The following GPC5 variants were observed in gnomAD, a reference collection of about 807,000 sequenced individuals.
The protein encoded by GPC5 is glypican-5.
A neutral mutation model predicts 53.9 loss-of-function variants in GPC5; 47 were observed. That is an observed-to-expected ratio of 0.87 (90% CI 0.69 to 1.11). GPC5 has a LOEUF of 1.11. Ranked by LOEUF, GPC5 falls within the 50% of genes most tolerant of loss-of-function variation. GPC5 has a pLI of 0.00. For synonymous variants in GPC5, 286 were observed against 263.3 expected (o/e 1.09, Z -0.84); for missense variants, 748 against 713.1 (o/e 1.05, Z -0.56).
chr13:92,673,327 G>T (rs1343924739), intron 7 of GPC5, among the ~76,000 whole-genome samples: 6 of 151,038 alleles, frequency 4.0e-5, no homozygotes, highest in African/African-American at 1.5e-4. Flanking sequence ...TGTCGCCCAG[G>T]CTGGAGTGCA....
At chr13:92,213,817 A>G (rs1159655646) in intron 7 of GPC5, among the ~76,000 whole-genome samples, 2 of 152,184 alleles carry the variant, frequency 1.3e-5, no homozygotes, top group Admixed American at 6.5e-5. Context: ...AGATCTGACT[A>G]TATCTCTCAG....
chr13:91,900,756 T>A (rs1429492114), intron 5 of GPC5, among the ~76,000 whole-genome samples: 1 of 152,138 alleles, frequency 6.6e-6, no homozygotes, highest in Non-Finnish European at 1.5e-5. Flanking sequence ...TTTGTGCTAC[T>A]TTTTAATTAG....
intron 7 of GPC5, among the ~76,000 whole-genome samples, chr13:92,606,786 GT>G (rs569478420): frequency 4.6e-5 from 7 of 151,780 alleles, no homozygotes; most frequent in South Asian, 2.1e-4. Context: ...TTTTGGGGGA[GT>G]TTTTTTTCAC....
At chr13:92,283,078 C>T (rs1354502914) in intron 7 of GPC5, among the ~76,000 whole-genome samples, 1 of 151,940 alleles carries the variant, frequency 6.6e-6, no homozygotes, top group Non-Finnish European at 1.5e-5. Flanking sequence ...AACCAAAATG[C>T]AGTGGTTGCA....
intron 7 of GPC5, among the ~76,000 whole-genome samples, chr13:92,767,265 G>T (rs964211496): frequency 6.6e-6 from 1 of 152,228 alleles, no homozygotes; most frequent in South Asian, 2.1e-4. Flanking sequence ...GAGGTCAGGA[G>T]TTCAAGACCA....
intron 6 of GPC5, among the ~76,000 whole-genome samples, chr13:92,103,711 A>G (rs1028374882): frequency 6.6e-6 from 1 of 152,218 alleles, no homozygotes; most frequent in African/African-American, 2.4e-5. Flanking sequence ...CTCGGCATTT[A>G]GCAAGCATTT....
At chr13:91,896,507 G>C (rs1308412786) in intron 5 of GPC5, among the ~76,000 whole-genome samples, 2 of 152,150 alleles carry the variant, frequency 1.3e-5, no homozygotes, top group Non-Finnish European at 2.9e-5. Flanking sequence ...CGAAGGGATA[G>C]AACTTTCCAG....
intron 7 of GPC5, among the ~76,000 whole-genome samples, chr13:92,178,259 A>C (rs1421616326): frequency 6.6e-6 from 1 of 152,140 alleles, no homozygotes; most frequent in African/African-American, 2.4e-5. Flanking sequence ...TAGTCAAACA[A>C]AAATCCTGAA....
chr13:92,602,311 G>C (rs1203212838), intron 7 of GPC5, among the ~76,000 whole-genome samples: 1 of 142,732 alleles, frequency 7.0e-6, no homozygotes, highest in Non-Finnish European at 1.5e-5. Flanking sequence ...AATAATTCCT[G>C]GTCCCTCTGT....
At chr13:92,147,269 T>G (rs750278155) in intron 7 of GPC5, among the ~76,000 whole-genome samples, 6 of 152,146 alleles carry the variant, frequency 3.9e-5, no homozygotes, top group Admixed American at 6.5e-5. Flanking sequence ...CAGGGCAGTA[T>G]TTAATAATCT....
chr13:91,648,514 C>A (rs550540735), intron 2 of GPC5, among the ~76,000 whole-genome samples: 1 of 151,828 alleles, frequency 6.6e-6, no homozygotes, highest in Non-Finnish European at 1.5e-5. Flanking sequence ...ATCCATAAGG[C>A]CTTTTAAGTT....
At chr13:92,809,074 C>T (rs1237725354) in intron 7 of GPC5, among the ~76,000 whole-genome samples, 1 of 152,044 alleles carries the variant, frequency 6.6e-6, no homozygotes, top group Non-Finnish European at 1.5e-5. Flanking sequence ...AGCATCTGTT[C>T]CCACAGCAAA....
chr13:92,038,351 G>T (rs1423222018), intron 6 of GPC5, among the ~76,000 whole-genome samples: 2 of 16,524 alleles, frequency 1.2e-4, no homozygotes, highest in Non-Finnish European at 2.2e-4. Context: ...ATCTATGCTA[G>T]ATAGATAGAT....
intron 7 of GPC5, among the ~76,000 whole-genome samples, chr13:92,306,029 G>A (rs575318491): frequency 6.8e-4 from 103 of 152,320 alleles, no homozygotes; most frequent in Admixed American, 1.0e-3. Context: ...ACTGAGAAGA[G>A]CAAACGAGCT....
chr13:91,968,618 T>C (rs111400502), intron 6 of GPC5, among the ~76,000 whole-genome samples: 3,591 of 151,652 alleles, frequency 0.024, 142 homozygotes, highest in African/African-American at 0.082. Flanking sequence ...TGTGCCACCA[T>C]GCCTGGCTAA....
At chr13:92,422,990 A>T (rs1179754182) in intron 7 of GPC5, among the ~76,000 whole-genome samples, 3 of 152,196 alleles carry the variant, frequency 2.0e-5, no homozygotes, top group Non-Finnish European at 4.4e-5. Context: ...AAACAACAGC[A>T]ATTTATTTCT....
intron 7 of GPC5, among the ~76,000 whole-genome samples, chr13:92,706,695 T>C (rs1013680935): frequency 6.6e-6 from 1 of 152,174 alleles, no homozygotes; most frequent in African/African-American, 2.4e-5. Flanking sequence ...AACACTCTAA[T>C]ATTTTCCGCT....
At chr13:91,638,287 T>C (rs2034332521) in intron 2 of GPC5, among the ~76,000 whole-genome samples, 1 of 152,194 alleles carries the variant, frequency 6.6e-6, no homozygotes, top group Non-Finnish European at 1.5e-5. Context: ...TCTAAATCTT[T>C]GTATTTTTCC....
chr13:92,600,971 A>G (rs942716449), intron 7 of GPC5, among the ~76,000 whole-genome samples: 12 of 152,130 alleles, frequency 7.9e-5, no homozygotes, highest in African/African-American at 2.7e-4. Context: ...TTGGAATATA[A>G]TTTATACTTG....
Sources: gnomAD v4.1 joint callset for allele counts (sites outside exome capture counted in the v4.1 genomes callset) on GRCh38, gnomAD v4.1.1 for gene constraint, MANE v1.5 for transcripts, NCBI Gene and HGNC (gene_info 2026-07-23, HGNC 2026-07-21) for gene names.